CSMD1: variants seen among roughly 807,000 people sequenced by gnomAD.
CSMD1 encodes the protein CUB and sushi domain-containing protein 1.
In CSMD1, 213 loss-of-function variants were observed where a neutral mutation model predicts 417.5. The ratio of observed to expected loss-of-function variants is 0.51; its 90% confidence interval spans 0.46 to 0.57. The LOEUF (loss-of-function observed/expected upper bound fraction) is 0.57, where lower values mean the gene tolerates loss of function less well. Among genes scored for constraint, CSMD1 ranks in the 20% least tolerant of loss-of-function variants. The pLI is 0.00. For synonymous variants in CSMD1, 2,862 were observed against 1,736.8 expected, an observed-to-expected ratio of 1.65 and a Z score of -16.11; for missense variants, 6,923 against 4,529.7, an observed-to-expected ratio of 1.53 and a Z score of -15.17.
intron 9 of CSMD1, 117 bp downstream of exon 9, chr8:3,586,019 T>C (rs1347630849): frequency 9.6e-7 from 1 of 1,043,344 alleles, no homozygotes; most frequent in African/African-American, 1.7e-5. Context: ...AAACATACAT[T>C]ACTACCGAAT....
intron 3 of CSMD1, among the ~76,000 whole-genome samples, chr8:4,276,346 C>T (rs1019955811): frequency 3.3e-5 from 5 of 152,092 alleles, no homozygotes; most frequent in Non-Finnish European, 7.4e-5. Context: ...AAACTAGAAA[C>T]CGTCATTGTC....
At chr8:4,459,299 A>G (rs1231889201) in intron 2 of CSMD1, among the ~76,000 whole-genome samples, 1 of 152,242 alleles carries the variant, frequency 6.6e-6, no homozygotes, top group African/African-American at 2.4e-5. Flanking sequence ...CAGATGGCAT[A>G]TAAGGTGAAG....
intron 3 of CSMD1, among the ~76,000 whole-genome samples, chr8:4,269,881 G>C (rs1168400847): frequency 6.6e-6 from 1 of 152,098 alleles, no homozygotes; most frequent in African/African-American, 2.4e-5. Flanking sequence ...ATCATTACTG[G>C]AGTTTATATT....
intron 2 of CSMD1, among the ~76,000 whole-genome samples, chr8:4,441,094 G>GT (rs1563176229): frequency 3.7e-5 from 1 of 27,074 alleles, no homozygotes; most frequent in African/African-American, 1.2e-4. Flanking sequence ...TTAATCAAAA[G>GT]GTTTTTTTTT....
chr8:3,617,112 T>C lies in CSMD1; in HGVS notation c.1010-315A>G, dbSNP rs190102930. Among the ~76,000 whole-genome samples the C allele has an allele frequency of 6.6e-4, 101 of 152,254 alleles. 1 individual carries two copies. In the East Asian group the frequency reaches 0.016, roughly 24 times the overall value. On this transcript the variant is annotated intron_variant, in intron 7 of 69. Coordinates refer to ENST00000635120, the MANE Select transcript of CSMD1 (RefSeq NM_033225.6). ...TGCCAGGTCACAATTAACAGCATGATCAGAAAAACAGCATTATGAGAAAAA... is the reference window on the plus strand; with the variant it reads ...TGCCAGGTCACAATTAACAGCATGACCAGAAAAACAGCATTATGAGAAAAA...
chr8:3,422,004 G>A lies in CSMD1; in HGVS notation c.1562-12399C>T, dbSNP rs148041570. ...CAGATGGCTTAGAGCGTGAGCCACC[G>A]CGCCCGGCCCCACAGATGTCTTAGA... On this transcript the variant is annotated intron_variant, in intron 12 of 69. Coordinates refer to ENST00000635120, the MANE Select transcript of CSMD1 (RefSeq NM_033225.6). Among the ~76,000 whole-genome samples the A allele has an allele frequency of 3.7e-3, 559 of 149,498 alleles. 2 individuals are homozygous for A. The highest frequency in any genetic ancestry group is 6.1e-3 in the Non-Finnish European group (417 of 67,834).
chr8:4,396,582 C>G (rs866776974), intron 3 of CSMD1, among the ~76,000 whole-genome samples: 1 of 151,974 alleles, frequency 6.6e-6, no homozygotes, highest in East Asian at 1.9e-4. Context: ...AGCCTAAATG[C>G]CCATCAAGCA....
At chr8:4,454,661 G>A (rs1164916289) in intron 2 of CSMD1, among the ~76,000 whole-genome samples, 1 of 152,130 alleles carries the variant, frequency 6.6e-6, no homozygotes, top group Non-Finnish European at 1.5e-5. Context: ...AGCCTTCCAG[G>A]TCCTATTATC....
intron 2 of CSMD1, among the ~76,000 whole-genome samples, chr8:4,534,045 A>C (rs1160402889): frequency 6.6e-6 from 1 of 151,882 alleles, no homozygotes; most frequent in Admixed American, 6.6e-5. Context: ...CAATTTATAG[A>C]TATTGTAATT....
chr8:4,931,780 G>A (rs1271971660), intron 1 of CSMD1, among the ~76,000 whole-genome samples: 1 of 152,298 alleles, frequency 6.6e-6, no homozygotes, highest in East Asian at 1.9e-4. Flanking sequence ...AGAAAGGGTG[G>A]TGAGGCTCAG....
intron 3 of CSMD1, among the ~76,000 whole-genome samples, chr8:4,196,476 G>T (rs975623240): frequency 2.6e-5 from 4 of 152,078 alleles, no homozygotes; most frequent in Non-Finnish European, 5.9e-5. Context: ...GCCGATTCAG[G>T]TGCTTTTAGA....
chr8:4,172,214 C>G (rs765209518), intron 3 of CSMD1, among the ~76,000 whole-genome samples: 2 of 152,102 alleles, frequency 1.3e-5, no homozygotes, highest in Non-Finnish European at 2.9e-5. Context: ...AAATAAAACA[C>G]TGGACCAAGA....
At chr8:4,983,178 A>T (rs1348770940) in intron 1 of CSMD1, among the ~76,000 whole-genome samples, 2 of 152,242 alleles carry the variant, frequency 1.3e-5, no homozygotes, top group African/African-American at 4.8e-5. Context: ...TAGGGTTTCA[A>T]AGCTAATTAT....
chr8:4,887,524 A>G (rs183176364), intron 1 of CSMD1, among the ~76,000 whole-genome samples: 1 of 151,908 alleles, frequency 6.6e-6, no homozygotes, highest in East Asian at 1.9e-4. Context: ...GTTCCTTGTT[A>G]TTTTTTACAT....
chr8:4,046,856 C>G (rs894644503), intron 3 of CSMD1, among the ~76,000 whole-genome samples: 5 of 152,126 alleles, frequency 3.3e-5, no homozygotes, highest in African/African-American at 7.2e-5. Flanking sequence ...TCCCTGAATT[C>G]TTCCAGGAGC....
At chr8:3,759,761 AG>A (rs1199783377) in intron 5 of CSMD1, among the ~76,000 whole-genome samples, 1 of 145,060 alleles carries the variant, frequency 6.9e-6, no homozygotes, top group African/African-American at 2.6e-5. Flanking sequence ...AAAAAAAATT[AG>A]CCAGACATGG....
chr8:3,472,562 T>C (rs190794213), intron 11 of CSMD1, among the ~76,000 whole-genome samples: 91 of 151,748 alleles, frequency 6.0e-4, no homozygotes, highest in African/African-American at 2.1e-3. Flanking sequence ...AGAAAGATGA[T>C]GAAGAACTTG....
At chr8:4,451,194 T>C (rs1037723524) in intron 2 of CSMD1, among the ~76,000 whole-genome samples, 1 of 152,024 alleles carries the variant, frequency 6.6e-6, no homozygotes, top group Non-Finnish European at 1.5e-5. Context: ...CCAAGTGTGA[T>C]GAGGCATGTG....
chr8:4,079,993 G>A (rs966775818), intron 3 of CSMD1, among the ~76,000 whole-genome samples: 1 of 149,892 alleles, frequency 6.7e-6, no homozygotes, highest in African/African-American at 2.5e-5. Context: ...AATTATGTTC[G>A]AATATTGGTG....
Sources: gnomAD v4.1 joint callset for allele counts (sites outside exome capture counted in the v4.1 genomes callset) on GRCh38, gnomAD v4.1.1 for gene constraint, MANE v1.5 for transcripts, NCBI Gene and HGNC (gene_info 2026-07-23, HGNC 2026-07-21) for gene names.